The following CTNNBIP1 variants were observed in gnomAD, a reference collection of about 807,000 sequenced individuals.
The protein encoded by CTNNBIP1 is catenin beta interacting protein 1, also known as beta-catenin-interacting protein 1.
CTNNBIP1 carries 7 observed loss-of-function variants against 11.8 expected under a neutral mutation model. That is an observed-to-expected ratio of 0.60 (90% CI 0.34 to 1.12). The LOEUF (loss-of-function observed/expected upper bound fraction) is 1.12, where lower values mean the gene tolerates loss of function less well. Ranked by LOEUF, CTNNBIP1 falls within the 50% of genes most tolerant of loss-of-function variation. The probability of loss-of-function intolerance (pLI) is 0.03; values close to 1 mark genes in which losing one functional copy is unlikely to be tolerated. For synonymous variants in CTNNBIP1, 58 were observed against 43.9 expected (o/e 1.32, Z -1.26); for missense variants, 101 against 113.4 (o/e 0.89, Z 0.50).
intron 1 of CTNNBIP1, among the ~76,000 whole-genome samples, chr1:9,909,222 G>A (rs1339559955): frequency 6.6e-6 from 1 of 152,228 alleles, no homozygotes; most frequent in Non-Finnish European, 1.5e-5. Flanking sequence ...CAGTTGGCCA[G>A]ACATGTTCCT....
At chr1:9,909,820 G>A (rs1307749633) in intron 1 of CTNNBIP1, among the ~76,000 whole-genome samples, 3 of 152,112 alleles carry the variant, frequency 2.0e-5, no homozygotes, top group African/African-American at 4.8e-5. Context: ...CAGGCACCCG[G>A]ACGCGGTGAG....
At chr1:9,888,347 T>C (rs1220381) in intron 1 of CTNNBIP1, among the ~76,000 whole-genome samples, 47,110 of 151,466 alleles carry the variant, frequency 0.31, 10,204 homozygotes, top group African/African-American at 0.62. Flanking sequence ...TTTGGGAGGC[T>C]GAGGTGCGCG....
intron 5 of CTNNBIP1, among the ~76,000 whole-genome samples, chr1:9,856,104 C>T (rs535559587): frequency 5.9e-5 from 9 of 151,882 alleles, no homozygotes; most frequent in African/African-American, 2.2e-4. Context: ...GCTGAGATCG[C>T]ACCACTGCAT....
chr1:9,888,651 T>C (rs1218749866), intron 1 of CTNNBIP1, among the ~76,000 whole-genome samples: 1 of 152,092 alleles, frequency 6.6e-6, no homozygotes, highest in African/African-American at 2.4e-5. Context: ...GACCACCCCA[T>C]GTTAGCCACA....
intron 5 of CTNNBIP1, among the ~76,000 whole-genome samples, chr1:9,852,012 T>C (rs1638397972): frequency 6.6e-6 from 1 of 152,138 alleles, no homozygotes; most frequent in Admixed American, 6.5e-5. Flanking sequence ...CTTTCTGACA[T>C]GTTGTCTGTG....
At chr1:9,882,078 A>T (rs948680781) in intron 2 of CTNNBIP1, among the ~76,000 whole-genome samples, 36 of 152,224 alleles carry the variant, frequency 2.4e-4, no homozygotes, top group African/African-American at 8.4e-4. Context: ...TTAAGCCAGC[A>T]TAGGAAGTGG....
chr1:9,905,997 G>A (rs1349339172), intron 1 of CTNNBIP1, among the ~76,000 whole-genome samples: 1 of 152,184 alleles, frequency 6.6e-6, no homozygotes, highest in African/African-American at 2.4e-5. Flanking sequence ...AAATGCTGGT[G>A]GGAGCTAAGA....
At chr1:9,889,616 C>G (rs72858040) in intron 1 of CTNNBIP1, among the ~76,000 whole-genome samples, 4 of 152,106 alleles carry the variant, frequency 2.6e-5, no homozygotes, top group Non-Finnish European at 4.4e-5. Flanking sequence ...TCTGCACATC[C>G]GCCTGCATTT....
chr1:9,901,757 G>A (rs559614941), intron 1 of CTNNBIP1, among the ~76,000 whole-genome samples: 3 of 152,300 alleles, frequency 2.0e-5, no homozygotes, highest in South Asian at 2.1e-4. Flanking sequence ...TGGCCTCCTC[G>A]CTGTGCAGGC....
intron 2 of CTNNBIP1, among the ~76,000 whole-genome samples, chr1:9,880,964 A>ACAGT (rs1246765846): frequency 6.6e-6 from 1 of 152,126 alleles, no homozygotes; most frequent in East Asian, 1.9e-4. Flanking sequence ...TGAGGCCTGG[A>ACAGT]CAGTCACACA....
At chr1:9,854,201 C>T (rs1638452931) in intron 5 of CTNNBIP1, among the ~76,000 whole-genome samples, 1 of 151,992 alleles carries the variant, frequency 6.6e-6, no homozygotes, top group Non-Finnish European at 1.5e-5. Context: ...ATGGTGAAAC[C>T]CCATCTCTAC....
Position 9,850,591 on chromosome 1 carries a change from G to T in CTNNBIP1, c.*127C>A. The T allele has an allele frequency of 1.3e-6, 1 of 779,704 alleles. No individual in the cohort carries two copies. The highest frequency in any genetic ancestry group is 2.2e-6 in the Non-Finnish European group (1 of 445,556). The allele number at this position is 779,704 out of a possible 1,614,324, so 48.3% of individuals were successfully genotyped here. A position where few individuals can be genotyped will look rare whatever the true frequency, so the allele number is the denominator to read the frequency against. On this transcript the variant is annotated 3_prime_UTR_variant, in exon 6 of 6. Transcript: ENST00000377263. The stretch of plus-strand genomic sequence containing the variant: ...CTGAGTAGCTGTGAGGTGGGGTGGG[G>T]CAGGGCAGGGTTGGGTAGGGGAAGG...
chr1:9,905,914 G>T (rs2101550930), intron 1 of CTNNBIP1, among the ~76,000 whole-genome samples: 2 of 152,238 alleles, frequency 1.3e-5, no homozygotes, highest in Non-Finnish European at 2.9e-5. Flanking sequence ...TATTTTCAGA[G>T]TACTACAAAG....
chr1:9,855,930 G>C (rs2101435709), intron 5 of CTNNBIP1, among the ~76,000 whole-genome samples: 1 of 152,084 alleles, frequency 6.6e-6, no homozygotes, highest in South Asian at 2.1e-4. Context: ...CAGATCACTT[G>C]AAGTCAGGAG....
In CTNNBIP1 at chr1:9,851,571, C is replaced by T. The variant is rs549074076; in HGVS notation, c.188-795G>A. Among the ~76,000 whole-genome samples, 2 of 152,222 alleles carry T rather than the reference C, an allele frequency of 1.3e-5. No homozygotes were observed. Among genetic ancestry groups the T allele is most frequent in the African/African-American group, 2.4e-5 (1 of 41,542 alleles). Reference sequence around the variant, plus strand: ...TATTTTTAGTAGAGATGAGGTTTCACCATGTTGGTCAGGCTGGTCTCAAAC... The same window carrying T: ...TATTTTTAGTAGAGATGAGGTTTCATCATGTTGGTCAGGCTGGTCTCAAAC... On this transcript the variant is annotated intron_variant, in intron 5 of 5. Coordinates refer to ENST00000377263, the MANE Select transcript of CTNNBIP1 (RefSeq NM_020248.3). The surrounding 1 kb of genome is among the most constrained non-coding windows in gnomAD (Gnocchi z 4.8).
In CTNNBIP1 at chr1:9,851,915, C is replaced by T. The variant is rs1193931284; in HGVS notation, c.188-1139G>A. 4.6e-5 allele frequency among the ~76,000 whole-genome samples: 7 copies of T among 152,342 alleles called. No homozygotes were observed. In the East Asian group the frequency reaches 1.3e-3, roughly 29 times the overall value. On this transcript the variant is annotated intron_variant, in intron 5 of 5. Transcript: ENST00000377263. The surrounding 1 kb of genome is among the most constrained non-coding windows in gnomAD (Gnocchi z 4.8). ...ACCTGTAGGGCCCCACCTTGACTCC[C>T]TGACCCTGTCCTGCTGCTCTCACCC...
chr1:9,905,401 C>T (rs888407631), intron 1 of CTNNBIP1, among the ~76,000 whole-genome samples: 7 of 151,970 alleles, frequency 4.6e-5, no homozygotes, highest in African/African-American at 1.7e-4. Flanking sequence ...TTTTATTTTC[C>T]CCCGTATCTC....
chr1:9,860,444 A>C (rs542162111), intron 5 of CTNNBIP1, among the ~76,000 whole-genome samples: 3,958 of 150,082 alleles, frequency 0.026, 84 homozygotes, highest in Middle Eastern at 0.055. Flanking sequence ...AAAAAAAAAA[A>C]AAAAAAAAAA....
At chr1:9,863,236 C>A (rs1638670498) in intron 5 of CTNNBIP1, among the ~76,000 whole-genome samples, 1 of 152,184 alleles carries the variant, frequency 6.6e-6, no homozygotes, top group Admixed American at 6.5e-5. Context: ...TACACCAAAT[C>A]CTCCTGGCTG....
Sources: gnomAD v4.1 joint callset for allele counts (sites outside exome capture counted in the v4.1 genomes callset) on GRCh38, gnomAD v4.1.1 for gene constraint, Gnocchi (gnomAD v3.1) non-coding constraint, MANE v1.5 for transcripts, NCBI Gene and HGNC (gene_info 2026-07-23, HGNC 2026-07-21) for gene names.